TRAP1: variants seen among roughly 807,000 people sequenced by gnomAD.
The protein encoded by TRAP1 is heat shock protein 75 kDa, mitochondrial.
Under a neutral mutation model 89.1 loss-of-function variants are expected in TRAP1, and 102 were observed. The observed-to-expected ratio is 1.15, with a 90% confidence interval of 0.98 to 1.35. The LOEUF (loss-of-function observed/expected upper bound fraction) is 1.35, where lower values mean the gene tolerates loss of function less well. Among genes scored for constraint, TRAP1 ranks in the 40% most tolerant of loss-of-function variants. The probability of loss-of-function intolerance (pLI) is 0.00; values close to 1 mark genes in which losing one functional copy is unlikely to be tolerated. For missense variants in TRAP1, 1,256 were observed against 945.3 expected (o/e 1.33, Z -4.31); for synonymous variants, 508 against 388.0 (o/e 1.31, Z -3.64).
At chr16:3,672,461 C>G (rs770573402) in intron 10 of TRAP1, among the ~76,000 whole-genome samples, 4 of 152,190 alleles carry the variant, frequency 2.6e-5, no homozygotes, top group Non-Finnish European at 5.9e-5. Flanking sequence ...CTCAGTATCC[C>G]TACATATGGA....
chr16:3,674,365 G>A lies in TRAP1; in HGVS notation c.1018C>T (p.Arg340Cys), dbSNP rs775599442. ...HYKTDAPLNIRSIFYVPDMKP... is the reference protein window; with the variant it reads ...HYKTDAPLNICSIFYVPDMKP... The stretch of plus-strand genomic sequence containing the variant: ...ATGTCGGGCACGTAGAAGATGCTGC[G>A]GATGTTGAGCGGTGCGTCCGTCTTA... Residue 340 changes from arginine to cysteine, a missense_variant, in exon 9 of 18, where the codon CGC becomes TGC. Coordinates refer to ENST00000246957, the MANE Select transcript of TRAP1 (RefSeq NM_016292.3). The A allele has an allele frequency of 1.1e-5, 18 of 1,613,954 alleles. No homozygotes were observed. Among genetic ancestry groups the A allele is most frequent in the Middle Eastern group, 1.6e-4 (1 of 6,084 alleles).
chr16:3,711,591 T>G (rs1338084102), intron 1 of TRAP1, among the ~76,000 whole-genome samples: 2 of 147,322 alleles, frequency 1.4e-5, no homozygotes, highest in Admixed American at 1.4e-4. Flanking sequence ...AGAGCAAGAC[T>G]CCATCTTGAA....
At chr16:3,683,808 T>C (rs1183427855) in intron 4 of TRAP1, among the ~76,000 whole-genome samples, 1 of 151,020 alleles carries the variant, frequency 6.6e-6, no homozygotes, top group African/African-American at 2.4e-5. Context: ...AAAAAAACTA[T>C]AGATTTTTCA....
intron 1 of TRAP1, among the ~76,000 whole-genome samples, chr16:3,701,720 G>A (rs987130917): frequency 3.3e-5 from 5 of 152,078 alleles, no homozygotes; most frequent in South Asian, 2.1e-4. Context: ...AGAAGGGTGC[G>A]TCCCTGAGGG....
At chr16:3,679,590 C>A in intron 5 of TRAP1, 129 bp downstream of exon 5, 1 of 908,190 alleles carries the variant, frequency 1.1e-6, no homozygotes, top group South Asian at 1.5e-5. Context: ...GAGGTGTTCC[C>A]ACAGTACCCA....
chr16:3,667,042 C>T (rs1226294197), intron 11 of TRAP1, among the ~76,000 whole-genome samples: 2 of 152,190 alleles, frequency 1.3e-5, no homozygotes, highest in Admixed American at 6.5e-5. Flanking sequence ...CCTTCAGCCA[C>T]AGGGCAGAAT....
At chr16:3,713,037 C>A (rs557120480) in intron 1 of TRAP1, among the ~76,000 whole-genome samples, 1 of 152,206 alleles carries the variant, frequency 6.6e-6, no homozygotes, top group Admixed American at 6.5e-5. Flanking sequence ...AGTGCCAGCA[C>A]CACAGCTTAA....
intron 13 of TRAP1, 29 bp downstream of exon 13, chr16:3,664,245 G>C: frequency 6.6e-7 from 1 of 1,526,194 alleles, no homozygotes; most frequent in Non-Finnish European, 8.8e-7. Flanking sequence ...TGCAGCCCCC[G>C]GAGCCCGCCC....
chr16:3,695,951 C>CA lies in TRAP1; in HGVS notation c.89-4967dup, dbSNP rs1410576563. On this transcript the variant is annotated intron_variant, in intron 1 of 17. Transcript: ENST00000246957. ...AGGTACAGGCATCAGTACAGGCTCACAACCTTTGCCATGTGTACAGACTGG... is the reference window on the plus strand; with the variant it reads ...AGGTACAGGCATCAGTACAGGCTCACAAACCTTTGCCATGTGTACAGACTGG... Among the ~76,000 whole-genome samples the CA allele has an allele frequency of 2.0e-5, 3 of 152,342 alleles. No homozygotes were observed. In the East Asian group the frequency reaches 5.8e-4, roughly 29 times the overall value.
At position 3,677,660 on chromosome 16, in the gene TRAP1, T is replaced by C; in HGVS notation, c.544-2A>G. ...GTTCTGCAGAGCATCCAGGAAGGCC[T>C]GTGGGGCAGAGGCCAGTTAGTGAGG... On this transcript the variant is annotated splice_acceptor_variant, in intron 5 of 17. Coordinates refer to ENST00000246957, the MANE Select transcript of TRAP1 (RefSeq NM_016292.3). LOFTEE classifies it high-confidence loss of function. 6.2e-7 allele frequency: 1 copy of C among 1,613,044 alleles called. No homozygotes were observed.
chr16:3,715,997 G>A (rs1372134111), intron 1 of TRAP1, among the ~76,000 whole-genome samples: 2 of 152,014 alleles, frequency 1.3e-5, no homozygotes, highest in Admixed American at 1.3e-4. Flanking sequence ...CAAGAAGCTG[G>A]GATTACAGGC....
At chr16:3,692,088 A>C (rs1392991239) in intron 1 of TRAP1, among the ~76,000 whole-genome samples, 1 of 152,190 alleles carries the variant, frequency 6.6e-6, no homozygotes, top group African/African-American at 2.4e-5. Context: ...GCAATACGTG[A>C]TGGTGTCAAG....
intron 11 of TRAP1, among the ~76,000 whole-genome samples, chr16:3,667,757 ATTTTT>A: frequency 8.5e-6 from 1 of 117,754 alleles, no homozygotes; most frequent in East Asian, 2.5e-4. Context: ...TAACACATCA[ATTTTT>A]TTTTTTTTTT....
intron 1 of TRAP1, among the ~76,000 whole-genome samples, 156 bp downstream of exon 1, chr16:3,717,265 C>A (rs370099971): frequency 3.9e-5 from 6 of 152,338 alleles, no homozygotes; most frequent in African/African-American, 1.4e-4. Flanking sequence ...TGGCGAGGAG[C>A]GGAGCGAAAG....
At chr16:3,658,372 C>T (rs577889907) in intron 17 of TRAP1, 142 bp from the exon 18 acceptor site, 163 of 688,050 alleles carry the variant, frequency 2.4e-4, no homozygotes, top group African/African-American at 1.8e-3. Flanking sequence ...GTGATCCCCC[C>T]GCCTCCCAAA....
chr16:3,713,427 C>T (rs1263923387), intron 1 of TRAP1, among the ~76,000 whole-genome samples: 1 of 152,210 alleles, frequency 6.6e-6, no homozygotes, highest in Non-Finnish European at 1.5e-5. Flanking sequence ...GAAACCAGCT[C>T]TCCCGACCTT....
At chr16:3,698,328 T>C (rs1306943681) in intron 1 of TRAP1, among the ~76,000 whole-genome samples, 1 of 151,838 alleles carries the variant, frequency 6.6e-6, no homozygotes, top group Non-Finnish European at 1.5e-5. Context: ...CTTTTTTTTT[T>C]TTTTTTAGAG....
chr16:3,688,279 G>A (rs2051165068), intron 3 of TRAP1, among the ~76,000 whole-genome samples: 1 of 152,134 alleles, frequency 6.6e-6, no homozygotes, highest in South Asian at 2.1e-4. Context: ...GGGATTACAG[G>A]TGTGGGTCAC....
At chr16:3,660,734 A>G (rs973491641) in intron 16 of TRAP1, 2 of 152,168 alleles carry the variant, frequency 1.3e-5, no homozygotes, top group Non-Finnish European at 2.9e-5. Flanking sequence ...TAAAATGACA[A>G]AAGAAAAAAA....
Sources: allele counts gnomAD v4.1 joint callset (sites outside exome capture counted in the v4.1 genomes callset), GRCh38; gene constraint gnomAD v4.1.1; transcripts MANE v1.5; gene names NCBI Gene and HGNC (gene_info 2026-07-23, HGNC 2026-07-21).